The following HS3ST4 variants were observed in gnomAD, a reference collection of about 807,000 sequenced individuals.
The protein encoded by HS3ST4 is heparan sulfate-glucosamine 3-sulfotransferase 4.
Under a neutral mutation model 29.2 loss-of-function variants are expected in HS3ST4, and 17 were observed. That is an observed-to-expected ratio of 0.58 (90% CI 0.40 to 0.87). The LOEUF is 0.87. Ranked by LOEUF, HS3ST4 falls within the 40% of genes least tolerant of loss-of-function variation. HS3ST4 has a pLI of 0.00. For missense variants in HS3ST4, 627 were observed against 634.5 expected (o/e 0.99, Z 0.13); for synonymous variants, 314 against 285.7 (o/e 1.10, Z -1.00).
chr16:26,030,500 G>A (rs1969522088), intron 1 of HS3ST4, among the ~76,000 whole-genome samples: 1 of 152,190 alleles, frequency 6.6e-6, no homozygotes, highest in Non-Finnish European at 1.5e-5. Flanking sequence ...AGCCATGGCT[G>A]GTGCATAGTA....
intron 1 of HS3ST4, among the ~76,000 whole-genome samples, chr16:26,124,022 G>A (rs1899310521): frequency 6.6e-6 from 1 of 152,030 alleles, no homozygotes; most frequent in South Asian, 2.1e-4. Flanking sequence ...CCGGGTTCAA[G>A]CGATTCTCCT....
chr16:25,939,889 G>T (rs1364189679), intron 1 of HS3ST4, among the ~76,000 whole-genome samples: 1 of 152,202 alleles, frequency 6.6e-6, no homozygotes, highest in East Asian at 1.9e-4. Context: ...TTTCAGCTTT[G>T]CTGCCTGGCT....
chr16:25,951,432 T>C (rs145150801), intron 1 of HS3ST4, among the ~76,000 whole-genome samples: 1 of 152,338 alleles, frequency 6.6e-6, no homozygotes, highest in African/African-American at 2.4e-5. Context: ...GAAATGGAGA[T>C]AATAATACAT....
chr16:26,055,594 A>G (rs1281708654), intron 1 of HS3ST4, among the ~76,000 whole-genome samples: 2 of 152,170 alleles, frequency 1.3e-5, no homozygotes, highest in African/African-American at 4.8e-5. Flanking sequence ...ATACCCACCA[A>G]TGCTTAGTTT....
At chr16:26,005,482 C>G (rs1307425288) in intron 1 of HS3ST4, among the ~76,000 whole-genome samples, 2 of 152,082 alleles carry the variant, frequency 1.3e-5, no homozygotes, top group East Asian at 1.9e-4. Context: ...GCCACTTCAG[C>G]CTGGTAATAG....
At chr16:26,072,100 A>C (rs1205085691) in intron 1 of HS3ST4, among the ~76,000 whole-genome samples, 1 of 152,202 alleles carries the variant, frequency 6.6e-6, no homozygotes, top group Non-Finnish European at 1.5e-5. Flanking sequence ...GCAGAGAGTC[A>C]TGTGAAACTT....
At chr16:25,962,161 A>G (rs1290583220) in intron 1 of HS3ST4, among the ~76,000 whole-genome samples, 1 of 152,154 alleles carries the variant, frequency 6.6e-6, no homozygotes, top group African/African-American at 2.4e-5. Context: ...GTATACACCC[A>G]GGGAGAAAAC....
At position 26,064,600 on chromosome 16, in the gene HS3ST4, G is replaced by A. The variant is rs187504010; in HGVS notation, c.735-71012G>A. On this transcript the variant is annotated intron_variant, in intron 1 of 1. Coordinates refer to ENST00000331351, the MANE Select transcript of HS3ST4 (RefSeq NM_006040.3). The stretch of plus-strand genomic sequence containing the variant: ...GGCCTAGGAGCAGAGACAGCAGCTA[G>A]GATTGTAGTCTTTTTTTTTTTTTTT... 3.7e-3 allele frequency among the ~76,000 whole-genome samples: 555 copies of A among 149,226 alleles called. 4 individuals are homozygous for A. Among genetic ancestry groups the A allele is most frequent in the African/African-American group, 0.013 (531 of 40,684 alleles).
At chr16:25,938,366 A>G (rs914390556) in intron 1 of HS3ST4, among the ~76,000 whole-genome samples, 1 of 152,090 alleles carries the variant, frequency 6.6e-6, no homozygotes, top group South Asian at 2.1e-4. Context: ...GAGATTGGGG[A>G]CTTTCGAGTT....
chr16:26,116,743 A>T (rs951566671), intron 1 of HS3ST4, among the ~76,000 whole-genome samples: 1 of 152,212 alleles, frequency 6.6e-6, no homozygotes, highest in Non-Finnish European at 1.5e-5. Flanking sequence ...CTGCTCATCC[A>T]TTCATCCATC....
At chr16:26,130,760 T>G (rs995162297) in intron 1 of HS3ST4, among the ~76,000 whole-genome samples, 1 of 152,164 alleles carries the variant, frequency 6.6e-6, no homozygotes, top group African/African-American at 2.4e-5. Context: ...TCGTGTCTTC[T>G]TCTAACAAAG....
At chr16:25,855,502 T>C (rs1366014344) in intron 1 of HS3ST4, among the ~76,000 whole-genome samples, 1 of 152,174 alleles carries the variant, frequency 6.6e-6, no homozygotes, top group Non-Finnish European at 1.5e-5. Flanking sequence ...TCCTTCAGAG[T>C]TTGCTATCTG....
At chr16:25,999,022 T>G (rs1026596716) in intron 1 of HS3ST4, among the ~76,000 whole-genome samples, 70 of 152,192 alleles carry the variant, frequency 4.6e-4, no homozygotes, top group East Asian at 1.9e-4. Flanking sequence ...TTTCTCATTT[T>G]TTTGTAATAA....
intron 1 of HS3ST4, among the ~76,000 whole-genome samples, chr16:25,946,920 A>T (rs1336959902): frequency 2.0e-5 from 3 of 152,172 alleles, no homozygotes; most frequent in Non-Finnish European, 4.4e-5. Flanking sequence ...TGTGATTGGG[A>T]GCAGCATGCA....
At chr16:25,919,480 A>G (rs1419166279) in intron 1 of HS3ST4, among the ~76,000 whole-genome samples, 1 of 152,178 alleles carries the variant, frequency 6.6e-6, no homozygotes, top group South Asian at 2.1e-4. Context: ...AAGCAGTTGT[A>G]TATATTGGTC....
At position 26,113,227 on chromosome 16, in the gene HS3ST4, C is replaced by A. The variant is rs1269306162; in HGVS notation, c.735-22385C>A. 2.0e-5 allele frequency among the ~76,000 whole-genome samples: 3 copies of A among 152,120 alleles called. No individual in the cohort carries two copies. In the East Asian group the frequency reaches 5.8e-4, roughly 29 times the overall value. ...AGATTAAACAATATGTTGAGAAATA[C>A]AACATATAGGAGTTCAAGACCAGCC... On this transcript the variant is annotated intron_variant, in intron 1 of 1. Coordinates refer to ENST00000331351, the MANE Select transcript of HS3ST4 (RefSeq NM_006040.3).
intron 1 of HS3ST4, among the ~76,000 whole-genome samples, chr16:25,750,819 C>T (rs1406799460): frequency 6.6e-6 from 1 of 152,196 alleles, no homozygotes; most frequent in East Asian, 1.9e-4. Flanking sequence ...TCCTTCCCCG[C>T]TTTTCCCTTC....
intron 1 of HS3ST4, among the ~76,000 whole-genome samples, chr16:26,122,304 A>T (rs1038503828): frequency 2.6e-5 from 4 of 152,174 alleles, no homozygotes; most frequent in African/African-American, 7.2e-5. Flanking sequence ...GGGATTATTG[A>T]ATTCATAGTT....
chr16:25,990,080 G>A (rs775450542), intron 1 of HS3ST4, among the ~76,000 whole-genome samples: 1 of 152,260 alleles, frequency 6.6e-6, no homozygotes, highest in African/African-American at 2.4e-5. Flanking sequence ...TACACGTAAG[G>A]TTTCTCCATG....
Sources: gnomAD v4.1 joint callset for allele counts (sites outside exome capture counted in the v4.1 genomes callset) on GRCh38, gnomAD v4.1.1 for gene constraint, MANE v1.5 for transcripts, NCBI Gene and HGNC (gene_info 2026-07-23, HGNC 2026-07-21) for gene names.